Variants in FAAH2 observed in about 807,000 individuals in gnomAD.
FAAH2 encodes fatty-acid amide hydrolase 2.
In FAAH2, 60 loss-of-function variants were observed where a neutral mutation model predicts 36.9. That is an observed-to-expected ratio of 1.63 (90% CI 1.32 to 2.02). The LOEUF (loss-of-function observed/expected upper bound fraction) is 2.02, where lower values mean the gene tolerates loss of function less well. FAAH2 is among the 30% of genes most tolerant of loss of function. The pLI is 0.00. For missense variants in FAAH2, 689 were observed against 397.5 expected (o/e 1.73, Z -6.23); for synonymous variants, 214 against 143.8 (o/e 1.49, Z -3.49).
At chrX:57,417,921 G>A (rs1205040055) in intron 7 of FAAH2, among the ~76,000 whole-genome samples, 1 of 111,938 alleles carries the variant, frequency 8.9e-6, no homozygotes, top group Non-Finnish European at 1.9e-5. Context: ...TTTCAGAGAT[G>A]CCCTTCCAAG....
chrX:57,407,976 T>C (rs1250934448), intron 7 of FAAH2, among the ~76,000 whole-genome samples: 1 of 111,931 alleles, frequency 8.9e-6, no homozygotes, highest in African/African-American at 3.2e-5. Flanking sequence ...ATGGATTTAG[T>C]TTTATTTGCT....
rs1036800166 is a variant in FAAH2, at chrX:57,393,073, C to T, written c.996+12044C>T. The T allele has an allele frequency of 2.0e-5, 18 of 921,738 alleles. No homozygotes were observed. In the South Asian group the frequency reaches 2.8e-4, roughly 14 times the overall value. The allele number at this position is 921,738 out of a possible 1,213,427, so 76.0% of individuals were successfully genotyped here. On this transcript the variant is annotated intron_variant, in intron 7 of 10. Transcript: ENST00000374900. ...TGAGCCAGGGCTAAGGTACCCTTGC[C>T]CCCTTCTGCCAGTGAGTGCACTTCA... is the stretch of plus-strand genomic sequence containing the variant.
rs2054514891 is a variant in FAAH2 at position 57,370,161 on chromosome X, A to G, written c.743-8490A>G. Among the ~76,000 whole-genome samples, 3 of 111,985 alleles carry G rather than the reference A, an allele frequency of 2.7e-5. No homozygotes were observed. In the South Asian group the frequency reaches 1.1e-3, roughly 41 times the overall value. ...TGAGAGGTGAAGAAAGGAACAAAGG[A>G]TACAAAATATTTAACAAAATGGCCG... On this transcript the variant is annotated intron_variant, in intron 5 of 10. Transcript: ENST00000374900.
At chrX:57,448,082 T>A (rs1213110555) in intron 9 of FAAH2, among the ~76,000 whole-genome samples, 1 of 111,618 alleles carries the variant, frequency 9.0e-6, no homozygotes, top group African/African-American at 3.3e-5. Context: ...ATTGACCTCC[T>A]GGGCTAAAGC....
the FAAH2 span, among the ~76,000 whole-genome samples, chrX:57,133,309 G>A: frequency 8.9e-6 from 1 of 112,305 alleles, no homozygotes; most frequent in Non-Finnish European, 1.9e-5. Context: ...TCTGTGCCTA[G>A]AAGAGTGCCT....
chrX:57,487,809 T>G (rs1160638255), intron 10 of FAAH2, among the ~76,000 whole-genome samples: 1 of 112,069 alleles, frequency 8.9e-6, no homozygotes, highest in African/African-American at 3.2e-5. Context: ...AAATAAATAT[T>G]CATACAAAGA....
chrX:57,305,602 G>T (rs988522708), intron 2 of FAAH2, among the ~76,000 whole-genome samples: 1 of 111,611 alleles, frequency 9.0e-6, no homozygotes, highest in Admixed American at 9.6e-5. Context: ...TCACTAAAGA[G>T]ATTATGCCCC....
In FAAH2 at chrX:57,378,761, G is replaced by T. The variant is rs2054755393; in HGVS notation, c.853G>T (p.Val285Phe). The T allele has an allele frequency of 8.3e-7, 1 of 1,210,098 alleles. No individual in the cohort carries two copies. Among genetic ancestry groups the T allele is most frequent in the Non-Finnish European group, 1.1e-6 (1 of 894,736 alleles). ...TGAAGACCTGGCCCCCATGTTGAAGGTCATGGCAGGACCTGGGATCAAAAG... is the reference window on the plus strand; with the variant it reads ...TGAAGACCTGGCCCCCATGTTGAAGTTCATGGCAGGACCTGGGATCAAAAG... ...YAEDLAPMLK[V>F]MAGPGIKRLK... The change falls in exon 6 of 11, where the codon GTC becomes TTC. Residue 285 changes from valine (V) to phenylalanine (F), a missense_variant. Physicochemically the swap from Val to Phe is conservative, Grantham distance 50. Coordinates refer to ENST00000374900, the MANE Select transcript of FAAH2 (RefSeq NM_174912.4).
At chrX:57,421,792 G>T (rs1169197773) in intron 7 of FAAH2, among the ~76,000 whole-genome samples, 1 of 112,010 alleles carries the variant, frequency 8.9e-6, no homozygotes, top group Non-Finnish European at 1.9e-5. Flanking sequence ...CACTTCATTT[G>T]CTGTGAAATG....
the FAAH2 span, among the ~76,000 whole-genome samples, chrX:57,208,352 AG>A: frequency 8.9e-6 from 1 of 112,145 alleles, no homozygotes. Flanking sequence ...TAGTGTGAAA[AG>A]GTTCCAAGGT....
intron 2 of FAAH2, among the ~76,000 whole-genome samples, chrX:57,300,304 A>G (rs959233479): frequency 3.6e-5 from 4 of 111,541 alleles, no homozygotes; most frequent in African/African-American, 9.8e-5. Context: ...ACAATGCCGC[A>G]TATCTACAAC....
chrX:57,182,859 C>A, the FAAH2 span, among the ~76,000 whole-genome samples: 4 of 111,220 alleles, frequency 3.6e-5, no homozygotes, highest in Non-Finnish European at 5.7e-5. Flanking sequence ...TATTATGGAG[C>A]CTTAAAGAAG....
intron 7 of FAAH2, among the ~76,000 whole-genome samples, chrX:57,402,126 G>T (rs1010441706): frequency 9.0e-6 from 1 of 111,695 alleles, no homozygotes; most frequent in Non-Finnish European, 1.9e-5. Flanking sequence ...GAGGGTGATG[G>T]CATTGGCTGG....
intron 10 of FAAH2, among the ~76,000 whole-genome samples, chrX:57,480,963 C>G (rs1188776934): frequency 3.8e-5 from 4 of 104,246 alleles, no homozygotes. Flanking sequence ...TTTTTCTAAT[C>G]TTGTAATCTT....
At chrX:57,442,366 G>A (rs1030784388) in intron 8 of FAAH2, among the ~76,000 whole-genome samples, 4 of 111,649 alleles carry the variant, frequency 3.6e-5, no homozygotes, top group Admixed American at 9.5e-5. Flanking sequence ...TTATGGAGTG[G>A]CCTTCTTTGT....
At chrX:57,393,382 G>C in intron 7 of FAAH2, 1 of 728,471 alleles carries the variant, frequency 1.4e-6, no homozygotes, top group Non-Finnish European at 2.2e-6. Flanking sequence ...GGTGGAGACC[G>C]GAATACTGGG....
the FAAH2 span, among the ~76,000 whole-genome samples, chrX:57,207,407 G>T: frequency 8.9e-6 from 1 of 111,747 alleles, no homozygotes; most frequent in Non-Finnish European, 1.9e-5. Context: ...GTGCTGTAGA[G>T]AAATGATTGA....
At chrX:57,303,591 T>C (rs2052438532) in intron 2 of FAAH2, among the ~76,000 whole-genome samples, 1 of 111,869 alleles carries the variant, frequency 8.9e-6, no homozygotes, top group African/African-American at 3.3e-5. Flanking sequence ...CACCATTTTA[T>C]AGCTGGAGAA....
At chrX:57,377,053 T>A (rs764398708) in intron 5 of FAAH2, among the ~76,000 whole-genome samples, 9 of 112,347 alleles carry the variant, frequency 8.0e-5, no homozygotes, top group Non-Finnish European at 1.7e-4. Context: ...GGATATTAGA[T>A]CTTTGTCAGA....
Sources: allele counts gnomAD v4.1 joint callset (sites outside exome capture counted in the v4.1 genomes callset), GRCh38; gene constraint gnomAD v4.1.1; transcripts MANE v1.5; gene names NCBI Gene and HGNC (gene_info 2026-07-23, HGNC 2026-07-21).